STAU1: variants seen among roughly 807,000 people sequenced by gnomAD.
STAU1 encodes the protein double-stranded RNA-binding protein Staufen homolog 1.
In STAU1, 13 loss-of-function variants were observed where a neutral mutation model predicts 62.9. The ratio of observed to expected loss-of-function variants is 0.21; its 90% CI spans 0.13 to 0.33. The LOEUF is 0.33. Ranked by LOEUF, STAU1 falls within the 10% of genes least tolerant of loss-of-function variation. The pLI is 1.00. For missense variants in STAU1, 571 were observed against 712.1 expected (o/e 0.80, Z 2.25); for synonymous variants, 269 against 265.1 (o/e 1.01, Z -0.14).
chr20:49,195,514 CGACAG>C, the STAU1 span, among the ~76,000 whole-genome samples: 1 of 105,146 alleles, frequency 9.5e-6, no homozygotes, highest in African/African-American at 3.7e-5. Context: ...CCAGCCTGGG[CGACAG>C]AGCAAGACTC....
At chr20:49,156,504 A>G (rs764002042) in intron 3 of STAU1, among the ~76,000 whole-genome samples, 6 of 152,268 alleles carry the variant, frequency 3.9e-5, no homozygotes, top group Non-Finnish European at 5.9e-5. Flanking sequence ...TGTTTGGCCC[A>G]TGCATAAGAC....
At chr20:49,180,867 T>C (rs1044369046) in intron 1 of STAU1, among the ~76,000 whole-genome samples, 1 of 152,184 alleles carries the variant, frequency 6.6e-6, no homozygotes, top group Non-Finnish European at 1.5e-5. Flanking sequence ...AAATTCATCC[T>C]AGCTGCTGCG....
At chr20:49,168,632 G>C (rs2093557607) in intron 2 of STAU1, among the ~76,000 whole-genome samples, 1 of 151,818 alleles carries the variant, frequency 6.6e-6, no homozygotes, top group African/African-American at 2.4e-5. Flanking sequence ...CAAATTATTA[G>C]TCACCTGCTA....
intron 8 of STAU1, among the ~76,000 whole-genome samples, chr20:49,122,481 C>T (rs2092485410): frequency 6.6e-6 from 1 of 152,228 alleles, no homozygotes. Context: ...CACCAGTGCA[C>T]CCAGCAGTAG....
intron 2 of STAU1, among the ~76,000 whole-genome samples, chr20:49,172,506 TTTC>T (rs2093610005): frequency 6.6e-6 from 1 of 152,202 alleles, no homozygotes. Context: ...TGTGTGATAT[TTTC>T]TTGACTATGA....
intron 6 of STAU1, among the ~76,000 whole-genome samples, chr20:49,126,335 G>A (rs1293661098): frequency 6.6e-6 from 1 of 151,722 alleles, no homozygotes; most frequent in Non-Finnish European, 1.5e-5. Flanking sequence ...GCCAGGGTGG[G>A]AGGATCACTT....
At chr20:49,168,008 G>A (rs759331544) in intron 2 of STAU1, among the ~76,000 whole-genome samples, 5 of 152,134 alleles carry the variant, frequency 3.3e-5, no homozygotes, top group Non-Finnish European at 7.3e-5. Context: ...TAGAAAGGGT[G>A]TGGACCAAGG....
At position 49,128,773 on chromosome 20, in the gene STAU1, C is replaced by CAAAAA. The variant is rs34891670; in HGVS notation, c.610-4191_610-4187dup. 4.2e-3 allele frequency among the ~76,000 whole-genome samples: 434 copies of CAAAAA among 102,490 alleles called. 3 individuals are homozygous for CAAAAA. The highest frequency in any genetic ancestry group is 5.4e-3 in the Non-Finnish European group (277 of 50,828). The allele number at this position is 102,490 out of a possible 152,430, so 67.2% of individuals were successfully genotyped here. A position where few individuals can be genotyped will look rare whatever the true frequency, so the allele number is the denominator to read the frequency against. The stretch of plus-strand genomic sequence containing the variant: ...GCAGGCACAATTAGACATCCAAATC[C>CAAAAA]AAAAAAAAAAAAAAAAAAAAGACAA... On this transcript the variant is annotated intron_variant, in intron 6 of 13. Coordinates refer to ENST00000371856, the MANE Select transcript of STAU1 (RefSeq NM_017453.4).
chr20:49,159,167 A>T (rs2093412729), intron 3 of STAU1: 13 of 1,081,644 alleles, frequency 1.2e-5, no homozygotes, highest in Non-Finnish European at 1.5e-5. Context: ...AAAAACACAC[A>T]AAGTTATTCT....
chr20:49,194,942 T>TA, the STAU1 span, among the ~76,000 whole-genome samples: 55 of 142,558 alleles, frequency 3.9e-4, 1 homozygote, highest in East Asian at 6.1e-4. Context: ...TGTGTCAAAG[T>TA]AAAAAAAAAA....
the STAU1 span, among the ~76,000 whole-genome samples, chr20:49,207,936 G>A: frequency 4.0e-5 from 6 of 148,956 alleles, no homozygotes; most frequent in South Asian, 4.3e-4. Context: ...GCTGGAGTGC[G>A]GTGGCATGAT....
chr20:49,216,045 GAAGAAAAAAA>G, the STAU1 span, among the ~76,000 whole-genome samples: 7 of 110,838 alleles, frequency 6.3e-5, no homozygotes, highest in East Asian at 1.5e-3. Context: ...AGAAGAAGAA[GAAGAAAAAAA>G]AAGAAGAAGA....
chr20:49,208,920 C>T, the STAU1 span, among the ~76,000 whole-genome samples: 1 of 151,558 alleles, frequency 6.6e-6, no homozygotes, highest in Non-Finnish European at 1.5e-5. Context: ...CTGCGCCCGG[C>T]CGATCCTGTC....
intron 3 of STAU1, among the ~76,000 whole-genome samples, chr20:49,155,068 A>T (rs1007374422): frequency 7.0e-6 from 1 of 142,646 alleles, no homozygotes. Context: ...ATGAGGAAAC[A>T]AGAGCAAAAC....
chr20:49,200,772 G>A, the STAU1 span, among the ~76,000 whole-genome samples: 883 of 151,906 alleles, frequency 5.8e-3, 4 homozygotes, highest in Non-Finnish European at 9.7e-3. Flanking sequence ...AAATACATCA[G>A]GCCCAGTGCA....
intron 6 of STAU1, among the ~76,000 whole-genome samples, chr20:49,132,585 C>A (rs1218698643): frequency 6.6e-6 from 1 of 152,100 alleles, no homozygotes. Context: ...GTGGTGAAAC[C>A]CTGTCTCTAC....
In STAU1 at chr20:49,181,763, C is replaced by CAAAAAAAAA. The variant is rs1309573018; in HGVS notation, c.-160+6352_-160+6353insTTTTTTTTT. The stretch of plus-strand genomic sequence containing the variant: ...CCTGGGCAACAGAGCAAGACTATCT[C>CAAAAAAAAA]AACAAAAAAAAAAAAAAAAAAAAAA... On this transcript the variant is annotated intron_variant, in intron 1 of 13. Coordinates refer to ENST00000371856, the MANE Select transcript of STAU1 (RefSeq NM_017453.4). Among the ~76,000 whole-genome samples the CAAAAAAAAA allele has an allele frequency of 9.0e-5, 6 of 66,708 alleles. 2 individuals are homozygous for CAAAAAAAAA. The highest frequency in any genetic ancestry group is 5.8e-4 in the South Asian group (1 of 1,718). 43.8% of individuals were successfully genotyped at this position (66,708 alleles called of 152,430 possible).
rs147081897 is a variant in STAU1 at position 49,149,952 on chromosome 20, T to C, written c.510+1630A>G. 1.6e-3 allele frequency among the ~76,000 whole-genome samples: 243 copies of C among 152,354 alleles called. 1 individual carries two copies. The highest frequency in any genetic ancestry group is 5.7e-3 in the African/African-American group (235 of 41,584). On this transcript the variant is annotated intron_variant, in intron 5 of 13. Transcript: ENST00000371856. The stretch of plus-strand genomic sequence containing the variant: ...TGTTCTGTGCAGGATCCTCCTGTTC[T>C]TTGTGAACATGTTTCCTGGTGAAGA...
chr20:49,201,646 G>A, the STAU1 span, among the ~76,000 whole-genome samples: 29 of 151,266 alleles, frequency 1.9e-4, no homozygotes, highest in South Asian at 2.1e-4. Flanking sequence ...GGAGGCTGAC[G>A]CAGTAGAATC....
Sources: allele counts gnomAD v4.1 joint callset (sites outside exome capture counted in the v4.1 genomes callset), GRCh38; gene constraint gnomAD v4.1.1; transcripts MANE v1.5; gene names NCBI Gene and HGNC (gene_info 2026-07-23, HGNC 2026-07-21).